The following PATL1 variants were observed in gnomAD, a reference collection of about 807,000 sequenced individuals.
The protein encoded by PATL1 is protein PAT1 homolog 1.
PATL1 carries 32 observed loss-of-function variants against 100.6 expected under a neutral mutation model. The ratio of observed to expected loss-of-function variants is 0.32; its 90% CI spans 0.24 to 0.43. PATL1 has a LOEUF of 0.43. Among genes scored for constraint, PATL1 ranks in the 20% least tolerant of loss-of-function variants. The pLI is 1.00. For missense variants in PATL1, 747 were observed against 949.9 expected (o/e 0.79, Z 2.81); for synonymous variants, 332 against 330.0 (o/e 1.01, Z -0.07).
rs2134755281 is a variant in PATL1, at chr11:59,657,710, C to G, written c.441G>C (p.Val147=). Residue 147 remains valine (V), a synonymous_variant, in exon 5 of 19, where the codon GTG becomes GTC. Coordinates refer to ENST00000300146, the MANE Select transcript of PATL1 (RefSeq NM_152716.3). ...GPLLAQEMPT[V]SVLEYALPQR... is the part of the protein sequence containing the mutation. ...GAGGCAAAGCATATTCTAATACAGA[C>G]ACTGTAGGCATTTCCTAATTGAGGA... 1 of 1,587,992 alleles carries G rather than the reference C, an allele frequency of 6.3e-7. No homozygotes were observed. The highest frequency in any genetic ancestry group is 1.1e-5 in the South Asian group (1 of 87,518).
At chr11:59,650,009 T>C (rs1037942467) in intron 13 of PATL1, among the ~76,000 whole-genome samples, 1 of 151,202 alleles carries the variant, frequency 6.6e-6, no homozygotes, top group African/African-American at 2.4e-5. Context: ...TAATCCCAGC[T>C]ACGCAGGTGG....
At chr11:59,652,104 A>G (rs1360805351) in intron 11 of PATL1, among the ~76,000 whole-genome samples, 4 of 140,102 alleles carry the variant, frequency 2.9e-5, no homozygotes, top group Admixed American at 7.3e-5. Flanking sequence ...ACAAAAAATC[A>G]ATGTATTATT....
chr11:59,649,721 G>A, intron 13 of PATL1, 111 bp from the exon 14 acceptor site: 8 of 1,135,320 alleles, frequency 7.0e-6, no homozygotes, highest in East Asian at 5.6e-5. Context: ...ATTATAGAAA[G>A]ACTGAGATTT....
chr11:59,652,747 C>A (rs1356547334), intron 10 of PATL1, 91 bp downstream of exon 10: 3 of 1,496,924 alleles, frequency 2.0e-6, no homozygotes, highest in Non-Finnish European at 2.7e-6. Context: ...GAAAATTTTA[C>A]AAATATTTAA....
chr11:59,639,481 A>T, intron 16 of PATL1, 98 bp from the exon 17 acceptor site: 1 of 890,952 alleles, frequency 1.1e-6, no homozygotes, highest in Non-Finnish European at 1.8e-6. Context: ...AACAGCTCTA[A>T]ATCAAAATAA....
rs184303504 is a variant in PATL1 at position 59,657,216 on chromosome 11, T to A, written c.621+314A>T. ...TGTGGACAATGCTGTGTGTTCCCACTCCCCCCGGCTTTCAGTTATCTCTCT... is the reference window on the plus strand; with the variant it reads ...TGTGGACAATGCTGTGTGTTCCCACACCCCCCGGCTTTCAGTTATCTCTCT... On this transcript the variant is annotated intron_variant, in intron 5 of 18. Coordinates refer to ENST00000300146, the MANE Select transcript of PATL1 (RefSeq NM_152716.3). 1.6e-5 allele frequency: 13 copies of A among 825,256 alleles called. 2 individuals carry two copies. The East Asian group carries it at 9.9e-4, about 63-fold the overall frequency. The allele number at this position is 825,256 out of a possible 1,614,324, so 51.1% of individuals were successfully genotyped here.
intron 3 of PATL1, 139 bp downstream of exon 3, chr11:59,659,113 A>G (rs902858940): frequency 4.1e-6 from 4 of 972,290 alleles, no homozygotes. Flanking sequence ...TAGAACTTCT[A>G]TCATCAGGAA....
rs758257109 is a variant in PATL1, at chr11:59,652,854, T to C, written c.1286A>G (p.Asp429Gly). The C allele has an allele frequency of 1.9e-6, 3 of 1,613,638 alleles. No homozygotes were observed. The highest frequency in any genetic ancestry group is 4.5e-5 in the East Asian group (2 of 44,886). Reference protein sequence around the residue: ...MQLQSTDPYLDDFYYQNYFEK... With the variant: ...MQLQSTDPYLGDFYYQNYFEK... ...AGTATTTACCTGGTAATAAAAATCA[T>C]CCAGGTAGGGATCAGTGCTTTGCAG... is the stretch of plus-strand genomic sequence containing the variant. The change falls in exon 10 of 19, where the codon GAT becomes GGT. Residue 429 changes from aspartate (D) to glycine (G), a missense_variant. Asp to Gly is a moderately conservative substitution (Grantham distance 94). Transcript: ENST00000300146.
chr11:59,645,097 G>C (rs961010603), intron 15 of PATL1, among the ~76,000 whole-genome samples: 3 of 141,862 alleles, frequency 2.1e-5, no homozygotes, highest in Non-Finnish European at 3.0e-5. Context: ...AGGGTTGGGG[G>C]TAAGGTCACA....
rs12280000 is a variant in PATL1, at chr11:59,659,237, C to T, written c.345+15G>A. The T allele has an allele frequency of 2.5e-3, 3,826 of 1,548,468 alleles. 89 individuals are homozygous for T. The African/African-American group carries it at 0.047, about 19-fold the overall frequency. ...TTAGTCTGCTATAGTTCTCAAATCA[C>T]AGTAACTTACTTACTTGTAAAACTG... is the stretch of plus-strand genomic sequence containing the variant. On this transcript the variant is annotated intron_variant, in intron 3 of 18. Transcript: ENST00000300146.
At chr11:59,647,533 TG>T (rs1476260028) in intron 15 of PATL1, among the ~76,000 whole-genome samples, 13 of 152,208 alleles carry the variant, frequency 8.5e-5, no homozygotes, top group Non-Finnish European at 1.8e-4. Flanking sequence ...AAGAGGGAAT[TG>T]TTGTTTTTCT....
chr11:59,666,207 C>T (rs955682266), intron 2 of PATL1, among the ~76,000 whole-genome samples: 3 of 152,062 alleles, frequency 2.0e-5, no homozygotes, highest in Non-Finnish European at 4.4e-5. Context: ...GATCGTGCCA[C>T]TGCACTCCAG....
At chr11:59,641,342 G>A (rs745383703) in intron 16 of PATL1, among the ~76,000 whole-genome samples, 1 of 151,582 alleles carries the variant, frequency 6.6e-6, no homozygotes, top group Non-Finnish European at 1.5e-5. Flanking sequence ...TACAAATAGG[G>A]ACAAGAAGGT....
Position 59,641,220 on chromosome 11 carries a change from T to A in PATL1, c.2049+1660A>T, listed in dbSNP as rs562721641. 1.3e-4 allele frequency among the ~76,000 whole-genome samples: 19 copies of A among 151,440 alleles called. No homozygotes were observed. The South Asian group carries it at 3.8e-3, about 30-fold the overall frequency. On this transcript the variant is annotated intron_variant, in intron 16 of 18. Coordinates refer to ENST00000300146, the MANE Select transcript of PATL1 (RefSeq NM_152716.3). ...TGGTGGCACATGCTACTCAAGAGGC[T>A]GAGGTGGGAGGATCGCTTTGAGTAC...
At chr11:59,668,784 C>G in intron 1 of PATL1, 97 bp downstream of exon 1, 1 of 655,508 alleles carries the variant, frequency 1.5e-6, no homozygotes, top group Admixed American at 2.6e-5. Flanking sequence ...CAGCCCGCCC[C>G]CTGCCCCGCA....
At chr11:59,657,342 T>C (rs1042012314) in intron 5 of PATL1, among the ~76,000 whole-genome samples, 188 bp downstream of exon 5, 1 of 152,192 alleles carries the variant, frequency 6.6e-6, no homozygotes, top group African/African-American at 2.4e-5. Flanking sequence ...GCAGCAGCAA[T>C]AGCAGCAGCA....
chr11:59,639,091 A>G lies in PATL1; in HGVS notation c.2248T>C (p.Tyr750His). Residue 750 changes from tyrosine to histidine, a missense_variant, in exon 18 of 19, where the codon TAT (tyrosine) becomes CAT (histidine). By Grantham distance (83) the Tyr-to-His change is moderately conservative. Transcript: ENST00000300146. ...PTNLVSLFSR[Y>H]VDRQKLNLLE... ...AAGTTCAGTTTCTGCCGGTCAACAT[A>G]GCGAGAAAAGAGGGACACTAGGTTT... The G allele has an allele frequency of 6.2e-7, 1 of 1,613,976 alleles. No individual in the cohort carries two copies. Among genetic ancestry groups the G allele is most frequent in the South Asian group, 1.1e-5 (1 of 91,084 alleles).
rs1861525447 is a variant in PATL1, at chr11:59,656,043, G to A, written c.726C>T (p.Asn242=). The A allele has an allele frequency of 1.2e-6, 1 of 862,272 alleles. No homozygotes were observed. The highest frequency in any genetic ancestry group is 3.1e-5 in the East Asian group (1 of 31,746). The allele number at this position is 862,272 out of a possible 1,614,324, so 53.4% of individuals were successfully genotyped here. A position where few individuals can be genotyped will look rare whatever the true frequency, so the allele number is the denominator to read the frequency against. ...GAAAAGGGTGACCCAGGAGGGAAGA[G>A]TTCTAAGGTAAAAAAAAAAAAAAAA... ...MSPNQLCSVP[N]SSLLGHPFPP... Residue 242 remains asparagine (N), a splice_region_variant and synonymous_variant, in exon 7 of 19, where the codon AAC becomes AAT. Transcript: ENST00000300146.
At chr11:59,644,936 G>T (rs1861340111) in intron 15 of PATL1, among the ~76,000 whole-genome samples, 1 of 127,706 alleles carries the variant, frequency 7.8e-6, no homozygotes, top group African/African-American at 3.0e-5. Flanking sequence ...CACAGTGCTT[G>T]GTTGTCCCAC....
Sources: allele counts gnomAD v4.1 joint callset (sites outside exome capture counted in the v4.1 genomes callset), GRCh38; gene constraint gnomAD v4.1.1; transcripts MANE v1.5; gene names NCBI Gene and HGNC (gene_info 2026-07-23, HGNC 2026-07-21).